Variants in SLC2A13 observed in about 807,000 individuals in gnomAD.
SLC2A13 encodes proton myo-inositol cotransporter.
Under a neutral mutation model 64.4 loss-of-function variants are expected in SLC2A13, and 32 were observed. The ratio of observed to expected loss-of-function variants is 0.50; its 90% CI spans 0.37 to 0.67. The LOEUF (loss-of-function observed/expected upper bound fraction) is 0.67. Among genes scored for constraint, SLC2A13 ranks in the 30% least tolerant of loss-of-function variants. The pLI is 0.00. For missense variants in SLC2A13, 743 were observed against 829.2 expected, an observed-to-expected ratio of 0.90 and a Z score of 1.28; for synonymous variants, 338 against 327.1, an observed-to-expected ratio of 1.03 and a Z score of -0.36.
rs546083 is a variant in SLC2A13, at chr12:40,031,978, T to A, written c.717-3469A>T. ...GCAGTCCCCAGAAAAGCAAGTAGTC[T>A]CCTATTGATACAAGAGATCTCATTA... On this transcript the variant is annotated intron_variant, in intron 2 of 9. Transcript: ENST00000280871. Among the ~76,000 whole-genome samples the A allele has an allele frequency of 1.4e-3, 213 of 152,258 alleles. 1 individual carries two copies. Among genetic ancestry groups the A allele is most frequent in the African/African-American group, 4.9e-3 (203 of 41,544 alleles).
chr12:40,046,272 T>C (rs185614407), intron 2 of SLC2A13, among the ~76,000 whole-genome samples: 53 of 152,346 alleles, frequency 3.5e-4, no homozygotes, highest in Admixed American at 3.2e-3. Flanking sequence ...TCCTTGCCTC[T>C]GCAAGGGGGT....
intron 7 of SLC2A13, among the ~76,000 whole-genome samples, chr12:39,786,372 A>ACCATGATTCTGAGACCTCCCCAG (rs1555235718): frequency 6.7e-6 from 1 of 149,998 alleles, no homozygotes; most frequent in Non-Finnish European, 1.5e-5. Context: ...TTCATCTCCC[A>ACCATGATTCTGAGACCTCCCCAG]CCATGATTCT....
At chr12:39,996,059 C>CTAG (rs1224348101) in intron 3 of SLC2A13, among the ~76,000 whole-genome samples, 1 of 152,196 alleles carries the variant, frequency 6.6e-6, no homozygotes, top group Non-Finnish European at 1.5e-5. Context: ...AGTTGGAACT[C>CTAG]TCTAGAGACT....
intron 3 of SLC2A13, among the ~76,000 whole-genome samples, chr12:40,007,805 T>C (rs1035139810): frequency 2.0e-5 from 3 of 152,226 alleles, no homozygotes; most frequent in Non-Finnish European, 2.9e-5. Flanking sequence ...ACCTCACACA[T>C]AGAAGCCATT....
intron 4 of SLC2A13, among the ~76,000 whole-genome samples, chr12:39,892,442 T>C (rs1052868117): frequency 1.8e-4 from 28 of 152,254 alleles, no homozygotes; most frequent in African/African-American, 6.5e-4. Flanking sequence ...GGATGAGTGA[T>C]AGACTGCTTA....
At chr12:39,981,635 G>C (rs1486536498) in intron 3 of SLC2A13, among the ~76,000 whole-genome samples, 2 of 151,978 alleles carry the variant, frequency 1.3e-5, no homozygotes, top group Non-Finnish European at 2.9e-5. Context: ...GGAAGAAGTT[G>C]AATCTCTGAA....
At chr12:39,971,998 AT>A (rs1350854062) in intron 3 of SLC2A13, among the ~76,000 whole-genome samples, 2,037 of 16,282 alleles carry the variant, frequency 0.13, 43 homozygotes, top group East Asian at 0.36. Flanking sequence ...AAAAAAAAAA[AT>A]ATATATATAT....
intron 1 of SLC2A13, among the ~76,000 whole-genome samples, chr12:40,078,502 G>A (rs1466047431): frequency 6.6e-6 from 1 of 152,148 alleles, no homozygotes; most frequent in Non-Finnish European, 1.5e-5. Context: ...TGATTGTGGT[G>A]GATTAGCTTT....
rs143811178 is a variant in SLC2A13 at position 39,997,227 on chromosome 12, A to G, written c.925+31074T>C. Among the ~76,000 whole-genome samples, 72 of 152,268 alleles carry G rather than the reference A, an allele frequency of 4.7e-4. No individual in the cohort carries two copies. In the East Asian group the frequency reaches 0.012, roughly 26 times the overall value. ...AACAGAATAGAGAACCCAGAAATAAACCCAAATACTTACAACCAACTGACC... is the reference window on the plus strand; with the variant it reads ...AACAGAATAGAGAACCCAGAAATAAGCCCAAATACTTACAACCAACTGACC... On this transcript the variant is annotated intron_variant, in intron 3 of 9. Coordinates refer to ENST00000280871, the MANE Select transcript of SLC2A13 (RefSeq NM_052885.4).
intron 1 of SLC2A13, among the ~76,000 whole-genome samples, chr12:40,095,628 T>C (rs1266839662): frequency 6.6e-6 from 1 of 152,226 alleles, no homozygotes; most frequent in Non-Finnish European, 1.5e-5. Flanking sequence ...TATCTATAAA[T>C]ACTTTTAAAC....
intron 6 of SLC2A13, among the ~76,000 whole-genome samples, chr12:39,863,885 G>A (rs1284620387): frequency 6.6e-6 from 1 of 152,164 alleles, no homozygotes; most frequent in Non-Finnish European, 1.5e-5. Context: ...AGGGTATAAT[G>A]TTTTAATTTC....
chr12:40,101,405 A>G (rs1018418717), intron 1 of SLC2A13, among the ~76,000 whole-genome samples: 1 of 152,192 alleles, frequency 6.6e-6, no homozygotes, highest in Admixed American at 6.5e-5. Context: ...TTTCTACTGA[A>G]GGGTCCACTG....
chr12:40,028,164 TG>T (rs1250354746), intron 3 of SLC2A13, 136 bp downstream of exon 3: 4 of 417,628 alleles, frequency 9.6e-6, no homozygotes, highest in African/African-American at 6.2e-5. Flanking sequence ...TGGATATTTT[TG>T]TATAAATATA....
chr12:40,052,981 A>C (rs538121851), intron 1 of SLC2A13, among the ~76,000 whole-genome samples: 7 of 152,096 alleles, frequency 4.6e-5, no homozygotes, highest in Non-Finnish European at 1.0e-4. Context: ...TTGTCTTATC[A>C]TGTAAAATCA....
chr12:39,896,478 ATG>A (rs199781428), intron 4 of SLC2A13, among the ~76,000 whole-genome samples: 4 of 138,310 alleles, frequency 2.9e-5, no homozygotes, highest in Non-Finnish European at 6.2e-5. Flanking sequence ...ATATATGTAT[ATG>A]TGTATATATG....
chr12:39,992,813 T>G (rs1481671683), intron 3 of SLC2A13, among the ~76,000 whole-genome samples: 1 of 152,164 alleles, frequency 6.6e-6, no homozygotes, highest in African/African-American at 2.4e-5. Context: ...AAATTCATAT[T>G]GTAGCTTCTA....
chr12:40,070,334 A>C (rs542258126), intron 1 of SLC2A13, among the ~76,000 whole-genome samples: 1 of 152,290 alleles, frequency 6.6e-6, no homozygotes, highest in South Asian at 2.1e-4. Context: ...AGGAATGCAA[A>C]TAACTGCTTT....
chr12:40,072,861 A>G (rs1462387164), intron 1 of SLC2A13, among the ~76,000 whole-genome samples: 1 of 152,086 alleles, frequency 6.6e-6, no homozygotes, highest in African/African-American at 2.4e-5. Flanking sequence ...TGACCTTCGA[A>G]GTGATTACTG....
intron 2 of SLC2A13, among the ~76,000 whole-genome samples, chr12:40,031,481 A>T (rs1947904987): frequency 1.3e-5 from 2 of 152,210 alleles, no homozygotes; most frequent in Non-Finnish European, 2.9e-5. Context: ...TTGGCCTCCC[A>T]AAGTGCTGGG....
Sources: gnomAD v4.1 joint callset for allele counts (sites outside exome capture counted in the v4.1 genomes callset) on GRCh38, gnomAD v4.1.1 for gene constraint, MANE v1.5 for transcripts, NCBI Gene and HGNC (gene_info 2026-07-23, HGNC 2026-07-21) for gene names.